ETS1: variants seen among roughly 807,000 people sequenced by gnomAD.
ETS1 encodes ETS proto-oncogene 1, transcription factor, also known as protein C-ets-1.
In ETS1, 15 loss-of-function variants were observed where a neutral mutation model predicts 58.6. The ratio of observed to expected loss-of-function variants is 0.26; its 90% CI spans 0.17 to 0.39. ETS1 has a LOEUF of 0.39. Among genes scored for constraint, ETS1 ranks in the 10% least tolerant of loss-of-function variants. The pLI is 1.00. For missense variants in ETS1, 417 were observed against 610.5 expected (o/e 0.68, Z 3.34); for synonymous variants, 214 against 218.2 (o/e 0.98, Z 0.17).
chr11:128,475,902 G>GTGTGTA (rs753118532), intron 8 of ETS1, among the ~76,000 whole-genome samples: 103 of 151,942 alleles, frequency 6.8e-4, no homozygotes, highest in Non-Finnish European at 1.2e-3. Context: ...GTGTGTGTGT[G>GTGTGTA]TGATGTCTCA....
rs147792573 is a variant in ETS1, at chr11:128,568,756, G to A, written c.69+4306C>T. 4.8e-3 allele frequency among the ~76,000 whole-genome samples: 733 copies of A among 152,248 alleles called. 8 individuals carry two copies. The highest frequency in any genetic ancestry group is 0.016 in the African/African-American group (658 of 41,524). ...TCCCATGGTTTCCAGGCATTCTTCCGCAGCAAATGACCAGATAACGTTAAT... is the reference window on the plus strand; with the variant it reads ...TCCCATGGTTTCCAGGCATTCTTCCACAGCAAATGACCAGATAACGTTAAT... On this transcript the variant is annotated intron_variant, in intron 2 of 9. Transcript: ENST00000392668.
intron 3 of ETS1, among the ~76,000 whole-genome samples, chr11:128,519,675 T>C (rs1042328739): frequency 6.6e-6 from 1 of 152,350 alleles, no homozygotes; most frequent in Admixed American, 6.5e-5. Context: ...GTTTCTTTGC[T>C]GAGCTTTTGG....
At chr11:128,513,914 A>C (rs1298040799) in intron 3 of ETS1, among the ~76,000 whole-genome samples, 1 of 152,194 alleles carries the variant, frequency 6.6e-6, no homozygotes, top group Admixed American at 6.5e-5. Context: ...AATCAGACTC[A>C]ACAACACATT....
intron 2 of ETS1, among the ~76,000 whole-genome samples, chr11:128,563,223 G>C (rs934586750): frequency 6.6e-6 from 1 of 152,008 alleles, no homozygotes; most frequent in African/African-American, 2.4e-5. Flanking sequence ...CTTAGTACAG[G>C]GTCATAAACA....
At chr11:128,517,183 G>A (rs758797704) in intron 3 of ETS1, among the ~76,000 whole-genome samples, 4 of 152,176 alleles carry the variant, frequency 2.6e-5, no homozygotes, top group African/African-American at 4.8e-5. Flanking sequence ...CTAACAATGA[G>A]GCCACCTGAT....
chr11:128,573,099 C>T lies in ETS1; in HGVS notation c.32G>A (p.Ser11Asn), dbSNP rs764989455. ...ACGAGGCGCTGAGTAAGGGACGGGG[C>T]TGCTCCCAGCAGAATCCACAAAGTA... MSYFVDSAGSSPVPYSAPRPA... is the reference protein window; with the variant it reads MSYFVDSAGSNPVPYSAPRPA... The change falls in exon 2 of 10, where the codon AGC (serine) becomes AAC (asparagine). Residue 11 changes from serine (S) to asparagine (N), a missense_variant. By Grantham distance (46) the Ser-to-Asn change is conservative. Around this residue, in one of 4 missense-constraint regions of ETS1, gnomAD observed 90 missense variants for 90.3 expected, o/e 1.00. Transcript: ENST00000392668. 53 of 1,601,144 alleles carry T rather than the reference C, an allele frequency of 3.3e-5. No homozygotes were observed. Among genetic ancestry groups the T allele is most frequent in the Non-Finnish European group, 5.1e-6 (6 of 1,174,040 alleles).
intron 3 of ETS1, chr11:128,521,871 T>A (rs1356302247): frequency 6.5e-7 from 1 of 1,548,536 alleles, no homozygotes; most frequent in Non-Finnish European, 8.8e-7. Context: ...CCCCGGCCTC[T>A]GGCCGAGAGC....
intron 3 of ETS1, among the ~76,000 whole-genome samples, chr11:128,553,966 C>A (rs550869445): frequency 6.6e-6 from 1 of 152,044 alleles, no homozygotes; most frequent in Non-Finnish European, 1.5e-5. Flanking sequence ...TATTTTTTCT[C>A]TTTCTTTATA....
At chr11:128,570,478 C>T (rs1864604736) in intron 2 of ETS1, among the ~76,000 whole-genome samples, 1 of 152,012 alleles carries the variant, frequency 6.6e-6, no homozygotes, top group Non-Finnish European at 1.5e-5. Flanking sequence ...CTGACCTCAA[C>T]TGATCCGCCC....
At chr11:128,526,904 T>G (rs1229232534) in intron 3 of ETS1, 8 of 455,894 alleles carry the variant, frequency 1.8e-5, no homozygotes, top group South Asian at 1.1e-4. Context: ...GAAAAATGAG[T>G]GTGAGTGAGG....
chr11:128,530,566 CAT>C (rs549696938), intron 3 of ETS1, among the ~76,000 whole-genome samples: 28 of 152,208 alleles, frequency 1.8e-4, no homozygotes, highest in Middle Eastern at 3.4e-3. Flanking sequence ...TGATCAGAAA[CAT>C]GTGTTCTCCC....
intron 3 of ETS1, among the ~76,000 whole-genome samples, chr11:128,494,299 C>A (rs959029526): frequency 7.9e-5 from 12 of 152,162 alleles, no homozygotes; most frequent in Admixed American, 6.5e-4. Context: ...AGATTTCCTG[C>A]CCACTGATTA....
intron 5 of ETS1, among the ~76,000 whole-genome samples, chr11:128,488,060 G>C (rs1035190188): frequency 6.6e-6 from 1 of 152,142 alleles, no homozygotes; most frequent in Non-Finnish European, 1.5e-5. Context: ...GAATATACTG[G>C]GTTACACAGT....
intron 3 of ETS1, among the ~76,000 whole-genome samples, chr11:128,517,690 T>G (rs1863561541): frequency 6.6e-6 from 1 of 152,176 alleles, no homozygotes; most frequent in African/African-American, 2.4e-5. Context: ...TCTGCTGTAT[T>G]CTGAAACAGG....
chr11:128,485,004 C>T lies in ETS1; in HGVS notation c.681G>A (p.Glu227=), dbSNP rs762032763. The change falls in exon 7 of 10, where the codon GAG becomes GAA. Residue 227 remains glutamate, a synonymous_variant. Transcript: ENST00000392668. ...SEFSEPSFIT[E]SYQTLHPISS... is the part of the protein sequence containing the mutation. ...TGATGGGATGGAGCGTCTGATAGGA[C>T]TCTGTGATGAAGCTGGGCTCTGAGA... The T allele has an allele frequency of 2.7e-5, 43 of 1,613,820 alleles. No homozygotes were observed. The highest frequency in any genetic ancestry group is 2.7e-5 in the Non-Finnish European group (32 of 1,179,900).
intron 2 of ETS1, among the ~76,000 whole-genome samples, chr11:128,565,807 C>T (rs1327690029): frequency 6.6e-6 from 1 of 152,142 alleles, no homozygotes; most frequent in African/African-American, 2.4e-5. Context: ...AATAATTTGT[C>T]CATTGCTCTC....
intron 3 of ETS1, among the ~76,000 whole-genome samples, chr11:128,510,237 C>T (rs1470813771): frequency 1.3e-5 from 2 of 152,214 alleles, no homozygotes; most frequent in Non-Finnish European, 2.9e-5. Flanking sequence ...TCACCAAAGA[C>T]TCCAGAGTAC....
Position 128,501,586 on chromosome 11 carries a change from GC to G in ETS1, c.215-11011del, listed in dbSNP as rs1490056837. Reference sequence around the variant, plus strand: ...GCACCATCTGCAATGCACTAAGTGTGCTTTCTGTGTCTTTCTCTATTCTAAG... The same window carrying G: ...GCACCATCTGCAATGCACTAAGTGTGTTTCTGTGTCTTTCTCTATTCTAAG... On this transcript the variant is annotated intron_variant, in intron 3 of 9. Coordinates refer to ENST00000392668, the MANE Select transcript of ETS1 (RefSeq NM_001143820.2). 3.3e-5 allele frequency among the ~76,000 whole-genome samples: 5 copies of G among 152,178 alleles called. No homozygotes were observed. In the South Asian group the frequency reaches 6.2e-4, roughly 19 times the overall value.
intron 2 of ETS1, among the ~76,000 whole-genome samples, chr11:128,568,515 C>G (rs546564447): frequency 1.7e-4 from 26 of 152,340 alleles, no homozygotes; most frequent in African/African-American, 6.0e-4. Flanking sequence ...GAAAGGTCAT[C>G]CCTCCCACAC....
Sources: gnomAD v4.1 joint callset for allele counts (sites outside exome capture counted in the v4.1 genomes callset) on GRCh38, gnomAD v4.1.1 for gene constraint, gnomAD v4.1.1 regional missense constraint, MANE v1.5 for transcripts, NCBI Gene and HGNC (gene_info 2026-07-23, HGNC 2026-07-21) for gene names.